The following KIF21A variants were observed in gnomAD, a reference collection of about 807,000 sequenced individuals.
KIF21A encodes kinesin family member 21A.
In KIF21A, 114 loss-of-function variants were observed where a neutral mutation model predicts 202.9. The observed-to-expected ratio is 0.56, with a 90% confidence interval of 0.48 to 0.66. The LOEUF (loss-of-function observed/expected upper bound fraction) is 0.66, where lower values mean the gene tolerates loss of function less well. KIF21A is among the 30% of genes least tolerant of loss of function. The pLI is 0.00. For missense variants in KIF21A, 1,677 were observed against 1,994.9 expected (o/e 0.84, Z 3.04); for synonymous variants, 667 against 670.8 (o/e 0.99, Z 0.09).
At chr12:39,329,701 C>T (rs1946332654) in intron 24 of KIF21A, among the ~76,000 whole-genome samples, 1 of 152,038 alleles carries the variant, frequency 6.6e-6, no homozygotes, top group South Asian at 2.1e-4. Context: ...GTTATAATGC[C>T]AGGTACTTGA....
chr12:39,391,248 G>T (rs1951325837), intron 1 of KIF21A, among the ~76,000 whole-genome samples: 2 of 152,088 alleles, frequency 1.3e-5, no homozygotes, highest in African/African-American at 2.4e-5. Flanking sequence ...AATCCATTTG[G>T]TTCTTAAGTT....
chr12:39,296,534 A>G (rs947634556), intron 37 of KIF21A, among the ~76,000 whole-genome samples: 1 of 152,226 alleles, frequency 6.6e-6, no homozygotes, highest in Admixed American at 6.5e-5. Context: ...TGGAAAAAAA[A>G]GGAGAGCACA....
intron 7 of KIF21A, among the ~76,000 whole-genome samples, chr12:39,361,742 A>G (rs933451926): frequency 2.1e-4 from 32 of 152,170 alleles, no homozygotes; most frequent in Admixed American, 1.7e-3. Context: ...TCCTGACCTC[A>G]TGATCTGCCC....
rs755495082 is a variant in KIF21A at position 39,341,053 on chromosome 12, C to T, written c.1963G>A (p.Ala655Thr). Residue 655 changes from alanine to threonine, a missense_variant, in exon 15 of 38, where the codon GCA (alanine) becomes ACA (threonine). Coordinates refer to ENST00000361418, the MANE Select transcript of KIF21A (RefSeq NM_001173464.2). ...ADLANITCEI[A>T]IKQKLIDELE... ...TCATCAATCAGCTTTTGCTTAATTG[C>T]AATTTCACAAGTAATGTTTGCCAAG... 2 of 1,611,032 alleles carry T rather than the reference C, an allele frequency of 1.2e-6. No homozygotes were observed. The highest frequency in any genetic ancestry group is 1.7e-6 in the Non-Finnish European group (2 of 1,178,200).
chr12:39,304,713 A>C (rs1852952311), intron 35 of KIF21A, 108 bp downstream of exon 35: 1 of 688,942 alleles, frequency 1.5e-6, no homozygotes, highest in Admixed American at 2.4e-5. Context: ...AAAAGCAAAG[A>C]CTAGAAAGGA....
At chr12:39,331,842 A>T in intron 21 of KIF21A, 51 bp from the exon 22 acceptor site, 6 of 1,295,188 alleles carry the variant, frequency 4.6e-6, no homozygotes, top group Non-Finnish European at 6.7e-6. Context: ...CTGAAAACAG[A>T]AGGCAACAGC....
In KIF21A at chr12:39,367,798, T is replaced by G. The variant is rs7139331; in HGVS notation, c.600+85A>C. 4.0e-3 allele frequency: 4,150 copies of G among 1,047,032 alleles called. 103 individuals are homozygous for G. The African/African-American group carries it at 0.055, about 14-fold the overall frequency. The allele number at this position is 1,047,032 out of a possible 1,614,324, so 64.9% of individuals were successfully genotyped here. A position where few individuals can be genotyped will look rare whatever the true frequency, so the allele number is the denominator to read the frequency against. On this transcript the variant is annotated intron_variant, in intron 4 of 37. Transcript: ENST00000361418. ...CATGCTTCAGGATATAAATTTCATA[T>G]CTTGATCTTAAGCAGATTATCAGCA... is the stretch of plus-strand genomic sequence containing the variant.
intron 11 of KIF21A, among the ~76,000 whole-genome samples, chr12:39,350,375 T>A (rs1296231078): frequency 6.6e-6 from 1 of 151,986 alleles, no homozygotes; most frequent in African/African-American, 2.4e-5. Context: ...AAAAGCAGTA[T>A]CAGTTGTGAC....
intron 1 of KIF21A, among the ~76,000 whole-genome samples, chr12:39,387,546 G>C (rs1331894913): frequency 6.6e-6 from 1 of 152,144 alleles, no homozygotes; most frequent in African/African-American, 2.4e-5. Context: ...GTAACTGCTA[G>C]GTTTCCTATC....
intron 1 of KIF21A, among the ~76,000 whole-genome samples, chr12:39,412,587 G>GTGTC (rs550646997): frequency 1.8e-4 from 27 of 152,208 alleles, no homozygotes; most frequent in African/African-American, 6.0e-4. Context: ...ATGGTGGCAT[G>GTGTC]TGTCTGTAGT....
chr12:39,395,842 CA>C lies in KIF21A; in HGVS notation c.45-25582del, dbSNP rs747398067. Among the ~76,000 whole-genome samples, 512 of 84,946 alleles carry C rather than the reference CA, an allele frequency of 6.0e-3. 3 individuals are homozygous for C. The highest frequency in any genetic ancestry group is 0.014 in the African/African-American group (306 of 21,202). The allele number at this position is 84,946 out of a possible 152,430, so 55.7% of individuals were successfully genotyped here. A position where few individuals can be genotyped will look rare whatever the true frequency, so the allele number is the denominator to read the frequency against. ...GGGTGACGAGAGCGAGACTCCGTCT[CA>C]AAAAAAAAAAAAAAAAGAAGAAGAA... On this transcript the variant is annotated intron_variant, in intron 1 of 37. Transcript: ENST00000361418.
At chr12:39,412,585 A>G (rs917245139) in intron 1 of KIF21A, among the ~76,000 whole-genome samples, 1 of 152,020 alleles carries the variant, frequency 6.6e-6, no homozygotes, top group Non-Finnish European at 1.5e-5. Flanking sequence ...GCATGGTGGC[A>G]TGTGTCTGTA....
intron 29 of KIF21A, among the ~76,000 whole-genome samples, chr12:39,316,858 CTCATAAAGTATT>C (rs1315783677): frequency 6.6e-6 from 1 of 152,032 alleles, no homozygotes; most frequent in Non-Finnish European, 1.5e-5. Flanking sequence ...TTATTGGTAG[CTCATAAAGTATT>C]TCAGTAAAAA....
At chr12:39,347,513 G>T (rs1438768546) in intron 11 of KIF21A, among the ~76,000 whole-genome samples, 1 of 151,916 alleles carries the variant, frequency 6.6e-6, no homozygotes, top group African/African-American at 2.4e-5. Flanking sequence ...ATTTTAAAAT[G>T]AAGAGATTGA....
At position 39,309,568 on chromosome 12, in the gene KIF21A, T is replaced by C. The variant is rs765554155; in HGVS notation, c.4277+18A>G. 2.5e-6 allele frequency: 4 copies of C among 1,580,744 alleles called. No individual in the cohort carries two copies. Among genetic ancestry groups the C allele is most frequent in the African/African-American group, 1.3e-5 (1 of 74,438 alleles). ...AGAGCTATTCCTCCTTTATGCTATA[T>C]GTCTTCAAGTTACTTACGTTAGTGT... On this transcript the variant is annotated intron_variant, in intron 33 of 37. Transcript: ENST00000361418.
At chr12:39,362,976 G>A (rs1164593557) in intron 7 of KIF21A, 122 bp downstream of exon 7, 2 of 683,602 alleles carry the variant, frequency 2.9e-6, no homozygotes, top group Non-Finnish European at 5.3e-6. Context: ...AACAGTATAA[G>A]GATTAGTTCC....
intron 1 of KIF21A, among the ~76,000 whole-genome samples, chr12:39,435,196 C>T (rs1213264203): frequency 6.6e-6 from 1 of 152,112 alleles, no homozygotes; most frequent in African/African-American, 2.4e-5. Context: ...GATGGATGTG[C>T]CCAAGTAGAT....
At chr12:39,398,482 TC>T (rs1951924033) in intron 1 of KIF21A, among the ~76,000 whole-genome samples, 1 of 152,218 alleles carries the variant, frequency 6.6e-6, no homozygotes, top group South Asian at 2.1e-4. Context: ...GCGCCTGTAG[TC>T]CCAGCTACTC....
chr12:39,342,635 T>G (rs1947540122), intron 12 of KIF21A, among the ~76,000 whole-genome samples: 1 of 152,154 alleles, frequency 6.6e-6, no homozygotes, highest in Admixed American at 6.5e-5. Context: ...CCATCAGTAT[T>G]TTCAGGTCTC....
Sources: allele counts gnomAD v4.1 joint callset (sites outside exome capture counted in the v4.1 genomes callset), GRCh38; gene constraint gnomAD v4.1.1; transcripts MANE v1.5; gene names NCBI Gene and HGNC (gene_info 2026-07-23, HGNC 2026-07-21).